The following JAK1 variants were observed in gnomAD, a reference collection of about 807,000 sequenced individuals.
JAK1 encodes the protein tyrosine-protein kinase JAK1.
Under a neutral mutation model 136.6 loss-of-function variants are expected in JAK1, and 16 were observed. The ratio of observed to expected loss-of-function variants is 0.12; its 90% CI spans 0.08 to 0.18. The LOEUF (loss-of-function observed/expected upper bound fraction) is 0.18. Ranked by LOEUF, JAK1 falls within the 10% of genes least tolerant of loss-of-function variation. The probability of loss-of-function intolerance (pLI) is 1.00; values close to 1 mark genes in which losing one functional copy is unlikely to be tolerated. For missense variants in JAK1, 859 were observed against 1,450.1 expected (o/e 0.59, Z 6.62); for synonymous variants, 492 against 519.5 (o/e 0.95, Z 0.72).
chr1:65,015,031 C>T (rs962483240), intron 2 of JAK1, among the ~76,000 whole-genome samples: 4 of 152,078 alleles, frequency 2.6e-5, no homozygotes, highest in African/African-American at 9.7e-5. Context: ...AGAATGAGGG[C>T]ATAGTATTAA....
chr1:64,847,516 A>G lies in JAK1; in HGVS notation c.1899+16T>C. 6.2e-7 allele frequency: 1 copy of G among 1,613,820 alleles called. No homozygotes were observed. Among genetic ancestry groups the G allele is most frequent in the Non-Finnish European group, 8.5e-7 (1 of 1,179,900 alleles). On this transcript the variant is annotated intron_variant, in intron 13 of 24. Coordinates refer to ENST00000342505, the MANE Select transcript of JAK1 (RefSeq NM_002227.4). ...ACGGGAGAGGGGAGGGGAGGAGTTC[A>G]GAGGAAGACACTTGCCAGGGAAATA...
intron 9 of JAK1, 50 bp from the exon 10 acceptor site, chr1:64,857,829 T>C: frequency 1.2e-6 from 2 of 1,607,344 alleles, no homozygotes; most frequent in Non-Finnish European, 1.7e-6. Context: ...CAAACAGGAC[T>C]TTGAACCTCT....
Position 65,012,609 on chromosome 1 carries a change from C to T in JAK1, c.-78+31871G>A, listed in dbSNP as rs564308954. ...TACAGCCAATTTGAGCCTCTATCTC[C>T]TAAGAAGGAAAGTACAAAAGAAAAT... On this transcript the variant is annotated intron_variant, in intron 2 of 25. Transcript: ENST00000671954. Among the ~76,000 whole-genome samples the T allele has an allele frequency of 2.0e-4, 30 of 152,162 alleles. No individual in the cohort carries two copies. The South Asian group carries it at 6.2e-3, about 32-fold the overall frequency.
chr1:64,989,027 T>TAA (rs1448399617), intron 2 of JAK1, among the ~76,000 whole-genome samples: 6 of 135,736 alleles, frequency 4.4e-5, no homozygotes, highest in Admixed American at 4.4e-4. Context: ...TATATATATA[T>TAA]ATAAAATACA....
intron 2 of JAK1, among the ~76,000 whole-genome samples, chr1:64,973,430 TA>T (rs1646471264): frequency 6.6e-6 from 1 of 151,896 alleles, no homozygotes; most frequent in Admixed American, 6.6e-5. Context: ...ATAAACATTC[TA>T]TTTTTTTAAT....
Position 64,855,539 on chromosome 1 carries a change from G to A in JAK1, c.1618C>T (p.Leu540=). 1 of 1,614,168 alleles carries A rather than the reference G, an allele frequency of 6.2e-7. No individual in the cohort carries two copies. Among genetic ancestry groups the A allele is most frequent in the Non-Finnish European group, 8.5e-7 (1 of 1,180,024 alleles). ...GGCTTGGGCTGGCAGCAGCGTTTTA[G>A]CATGAAGCTGATGTTATCCGTGCGC... ...ILRTDNISFM[L]KRCCQPKPRE... Residue 540 remains leucine (L), a synonymous_variant, in exon 11 of 25, where the codon CTA becomes TTA. Transcript: ENST00000342505.
chr1:65,028,847 AC>A (rs1338712834), intron 2 of JAK1, among the ~76,000 whole-genome samples: 1 of 152,238 alleles, frequency 6.6e-6, no homozygotes, highest in Admixed American at 6.5e-5. Context: ...AATGTCACAC[AC>A]AACTGGAAGT....
At position 65,047,187 on chromosome 1, in the gene JAK1, T is replaced by A. The variant is rs536389548; in HGVS notation, c.-180-2605A>T. On this transcript the variant is annotated intron_variant, in intron 1 of 25. Transcript: ENST00000671954. ...TGGGTAAAACCCTGTCTCCAAAAAA[T>A]TTTTTTTGTTTCATTCTAACCATAC... Among the ~76,000 whole-genome samples the A allele has an allele frequency of 6.9e-4, 105 of 152,014 alleles. 1 individual carries two copies. The highest frequency in any genetic ancestry group is 2.4e-3 in the African/African-American group (99 of 41,498).
chr1:64,916,530 A>G (rs1276382118), intron 1 of JAK1, among the ~76,000 whole-genome samples: 2 of 152,170 alleles, frequency 1.3e-5, no homozygotes, highest in African/African-American at 4.8e-5. Context: ...AAAGCTAAAA[A>G]GGTTGGAAGA....
At chr1:65,016,240 G>T (rs1646891064) in intron 2 of JAK1, among the ~76,000 whole-genome samples, 1 of 152,126 alleles carries the variant, frequency 6.6e-6, no homozygotes, top group East Asian at 1.9e-4. Flanking sequence ...TTCAGTTTGG[G>T]GTGATGAAAA....
intron 2 of JAK1, among the ~76,000 whole-genome samples, chr1:65,011,400 C>G (rs370789884): frequency 2.4e-4 from 36 of 151,870 alleles, no homozygotes; most frequent in Non-Finnish European, 4.4e-4. Context: ...CACTTGAGCC[C>G]GGAAGATCGA....
At chr1:64,887,134 T>C (rs1027903139) in intron 1 of JAK1, among the ~76,000 whole-genome samples, 6 of 152,110 alleles carry the variant, frequency 3.9e-5, no homozygotes, top group South Asian at 2.1e-4. Context: ...CTAAAATCAA[T>C]AGTGTGAGTG....
At chr1:64,931,569 T>C (rs549026216) in intron 1 of JAK1, among the ~76,000 whole-genome samples, 4 of 151,988 alleles carry the variant, frequency 2.6e-5, no homozygotes, top group African/African-American at 7.2e-5. Flanking sequence ...TCCTAGGCAA[T>C]TACTACGCTC....
intron 1 of JAK1, among the ~76,000 whole-genome samples, chr1:64,893,525 C>T (rs543177197): frequency 6.6e-6 from 1 of 152,328 alleles, no homozygotes; most frequent in South Asian, 2.1e-4. Context: ...AGGCCAGTTT[C>T]TTAACCTCTG....
chr1:65,059,055 C>T (rs536779831), intron 1 of JAK1, among the ~76,000 whole-genome samples: 1 of 150,932 alleles, frequency 6.6e-6, no homozygotes, highest in Non-Finnish European at 1.5e-5. Context: ...TTTCACAAGA[C>T]GCTATGGGGC....
intron 2 of JAK1, chr1:64,992,363 G>A (rs1309569365): frequency 2.0e-5 from 3 of 151,698 alleles, no homozygotes; most frequent in Non-Finnish European, 4.4e-5. Flanking sequence ...CTGGGCAACA[G>A]AGTGAGAGTC....
intron 21 of JAK1, 100 bp from the exon 22 acceptor site, chr1:64,838,204 A>G: frequency 1.6e-6 from 2 of 1,248,734 alleles, no homozygotes; most frequent in Non-Finnish European, 2.2e-6. Context: ...TTTCATTCAC[A>G]TATCACTGAC....
rs1214907757 is a variant in JAK1, at chr1:64,875,108, T to TGTGC, written c.330-1589_330-1586dup. ...ACATTTTATGGGCCCCTAACAAGTG[T>TGTGC]GTGCTCTAGGCACTGTGCTTAAAGG... On this transcript the variant is annotated intron_variant, in intron 4 of 24. Transcript: ENST00000342505. 2.0e-5 allele frequency among the ~76,000 whole-genome samples: 3 copies of TGTGC among 152,252 alleles called. No individual in the cohort carries two copies. The East Asian group carries it at 5.8e-4, about 29-fold the overall frequency.
At chr1:65,058,361 C>G in intron 1 of JAK1, 1 of 533,238 alleles carries the variant, frequency 1.9e-6, no homozygotes, top group Non-Finnish European at 3.9e-6. Context: ...TCCCAGCCAC[C>G]TGTTTCACAT....
Sources: gnomAD v4.1 joint callset for allele counts (sites outside exome capture counted in the v4.1 genomes callset) on GRCh38, gnomAD v4.1.1 for gene constraint, MANE v1.5 for transcripts, NCBI Gene and HGNC (gene_info 2026-07-23, HGNC 2026-07-21) for gene names.